The following FAS variants were observed in gnomAD, a reference collection of about 807,000 sequenced individuals.
FAS encodes Fas cell surface death receptor.
In FAS, 5 loss-of-function variants were observed where a neutral mutation model predicts 33.2. That is an observed-to-expected ratio of 0.15 (90% CI 0.08 to 0.32). The LOEUF is 0.32. Ranked by LOEUF, FAS falls within the 10% of genes least tolerant of loss-of-function variation. FAS has a pLI of 1.00. For missense variants in FAS, 339 were observed against 386.0 expected (o/e 0.88, Z 1.02); for synonymous variants, 131 against 130.7 (o/e 1.00, Z -0.01).
chr10:89,000,042 G>A (rs760340643), intron 1 of FAS, among the ~76,000 whole-genome samples: 6 of 152,170 alleles, frequency 3.9e-5, no homozygotes, highest in Non-Finnish European at 7.4e-5. Context: ...AAATAAAAGA[G>A]AATTTTCTTT....
At position 89,016,183 on chromosome 10, in the gene FAS, C is replaced by T. The variant is rs531798670; in HGVS notation, c.*1733C>T. 4.6e-6 allele frequency: 1 copy of T among 217,574 alleles called. No homozygotes were observed. Among genetic ancestry groups the T allele is most frequent in the African/African-American group, 2.2e-5 (1 of 44,584 alleles). 13.5% of individuals were successfully genotyped at this position (217,574 alleles called of 1,614,324 possible). A position where few individuals can be genotyped will look rare whatever the true frequency, so the allele number is the denominator to read the frequency against. On this transcript the variant is annotated 3_prime_UTR_variant, in exon 9 of 9. Coordinates refer to ENST00000652046, the MANE Select transcript of FAS (RefSeq NM_000043.6). ...TGCAATTTAATGCTAGTAATATATT[C>T]TATTTAACCCATGAGTCCCAAAGTA...
chr10:88,998,433 G>A (rs1847731519), intron 1 of FAS, among the ~76,000 whole-genome samples: 1 of 151,598 alleles, frequency 6.6e-6, no homozygotes, highest in South Asian at 2.1e-4. Flanking sequence ...AAATACAAGA[G>A]CTCTGGAAGT....
At chr10:88,983,547 A>G (rs1338427132), upstream of FAS, among the ~76,000 whole-genome samples, 1 of 149,558 alleles carries the variant, frequency 6.7e-6, no homozygotes, top group Non-Finnish European at 1.5e-5. Context: ...TCTATAAAAT[A>G]GGATGGTAAC....
At chr10:89,009,069 C>T (rs1422041234) in intron 4 of FAS, 72 bp downstream of exon 4, 1 of 1,329,390 alleles carries the variant, frequency 7.5e-7, no homozygotes, top group Admixed American at 1.7e-5. Flanking sequence ...AGGGAAGTAA[C>T]ACTGACTGAG....
Position 89,013,356 on chromosome 10 carries a change from T to C in FAS, c.665T>C (p.Ile222Thr). Residue 222 changes from isoleucine (I) to threonine (T), a missense_variant, in exon 8 of 9, where the codon ATA (isoleucine) becomes ACA (threonine). Ile to Thr is a moderately conservative substitution (Grantham distance 89). This residue lies in a region of FAS where 276 missense variants were observed against 300.1 expected (regional missense o/e 0.92). Coordinates refer to ENST00000652046, the MANE Select transcript of FAS (RefSeq NM_000043.6). ...SPTLNPETVAINLSDVDLSKY... is the reference protein window; with the variant it reads ...SPTLNPETVATNLSDVDLSKY... ...TTTGCTTTCTAGGAAACAGTGGCAA[T>C]AAATTTATCTGGTAAGGCTTTTATC... The C allele has an allele frequency of 6.2e-7, 1 of 1,612,044 alleles. No homozygotes were observed. Among genetic ancestry groups the C allele is most frequent in the Non-Finnish European group, 8.5e-7 (1 of 1,179,026 alleles).
At chr10:88,973,131 G>T in intron 1 of FAS, 4 of 1,513,738 alleles carry the variant, frequency 2.6e-6, no homozygotes, top group Admixed American at 2.1e-5. Context: ...ATTTTTCCTG[G>T]GCCTTGCCTC....
At chr10:89,008,440 A>G (rs1848357588) in intron 3 of FAS, among the ~76,000 whole-genome samples, 1 of 152,214 alleles carries the variant, frequency 6.6e-6, no homozygotes, top group African/African-American at 2.4e-5. Flanking sequence ...GTGCATTAGA[A>G]TTGCTTAGGG....
chr10:89,004,084 C>T (rs542055590), intron 2 of FAS, among the ~76,000 whole-genome samples: 2 of 152,326 alleles, frequency 1.3e-5, no homozygotes, highest in South Asian at 4.1e-4. Context: ...TCTTCTCCAA[C>T]ACGAATAAAG....
intron 6 of FAS, among the ~76,000 whole-genome samples, chr10:89,011,180 A>G (rs1466175316): frequency 1.3e-5 from 2 of 152,234 alleles, no homozygotes; most frequent in African/African-American, 4.8e-5. Context: ...ATTGCAGGGA[A>G]CACTTTAAAA....
intron 1 of FAS, chr10:88,973,121 AT>A: frequency 2.0e-6 from 3 of 1,496,644 alleles, no homozygotes; most frequent in Non-Finnish European, 2.7e-6. Flanking sequence ...TTCTATTTTA[AT>A]TTTTCCTGGG....
chr10:88,973,447 T>C, intron 2 of FAS: 2 of 1,053,464 alleles, frequency 1.9e-6, no homozygotes, highest in East Asian at 2.9e-5. Flanking sequence ...GCCTTTCCTT[T>C]CTAAAGAAAA....
chr10:89,004,280 A>G (rs1589467543), intron 2 of FAS, among the ~76,000 whole-genome samples: 1 of 152,228 alleles, frequency 6.6e-6, no homozygotes, highest in Non-Finnish European at 1.5e-5. Context: ...TTTTAATTTA[A>G]GAAGTGAATG....
At chr10:88,995,611 T>G (rs1271899530) in intron 1 of FAS, among the ~76,000 whole-genome samples, 1 of 152,124 alleles carries the variant, frequency 6.6e-6, no homozygotes, top group East Asian at 1.9e-4. Flanking sequence ...ATGGATCACT[T>G]GAGATTAGGA....
chr10:88,983,627 A>C (rs1464276245), upstream of FAS, among the ~76,000 whole-genome samples: 3 of 147,750 alleles, frequency 2.0e-5, no homozygotes, highest in African/African-American at 7.4e-5. Context: ...AAAAAAAAAA[A>C]AAAAAAAAAA....
Position 89,016,514 on chromosome 10 carries a change from A to G in FAS, c.*2064A>G, listed in dbSNP as rs1848810963. On this transcript the variant is annotated 3_prime_UTR_variant, in exon 9 of 9. Transcript: ENST00000652046. The stretch of plus-strand genomic sequence containing the variant: ...CCACTTTGGTGAACTCAGAGCAAGA[A>G]CTTTGAGTTCCTTTGGGAGGAAGAC... The G allele has an allele frequency of 4.4e-6, 1 of 226,454 alleles. No homozygotes were observed. The highest frequency in any genetic ancestry group is 2.2e-5 in the African/African-American group (1 of 44,970). 14.0% of individuals were successfully genotyped at this position (226,454 alleles called of 1,614,324 possible).
intron 2 of FAS, among the ~76,000 whole-genome samples, chr10:88,976,757 AT>A (rs1333467490): frequency 1.3e-5 from 2 of 152,246 alleles, no homozygotes; most frequent in African/African-American, 4.8e-5. Context: ...GTTGAACAGA[AT>A]TTCTTGAAAG....
chr10:88,967,633 G>A (rs2133313712), intron 1 of FAS, among the ~76,000 whole-genome samples: 1 of 152,262 alleles, frequency 6.6e-6, no homozygotes, highest in Non-Finnish European at 1.5e-5. Context: ...CAGAGCCCTT[G>A]TTTCTTGAAC....
At chr10:88,971,641 C>A (rs530757680) in intron 1 of FAS, among the ~76,000 whole-genome samples, 3 of 152,258 alleles carry the variant, frequency 2.0e-5, no homozygotes, top group African/African-American at 7.2e-5. Context: ...AGTTCTTTTG[C>A]TGCTCTTTTT....
intron 2 of FAS, among the ~76,000 whole-genome samples, chr10:88,980,191 G>A (rs1259688026): frequency 6.6e-6 from 1 of 152,206 alleles, no homozygotes; most frequent in East Asian, 1.9e-4. Flanking sequence ...AAGGTGGTGA[G>A]TGGAACATGA....
Sources: allele counts gnomAD v4.1 joint callset (sites outside exome capture counted in the v4.1 genomes callset), GRCh38; gene constraint gnomAD v4.1.1; regional missense constraint gnomAD v4.1.1; transcripts MANE v1.5; gene names NCBI Gene and HGNC (gene_info 2026-07-23, HGNC 2026-07-21).